MAML2: variants seen among roughly 807,000 people sequenced by gnomAD.
MAML2 encodes mastermind like transcriptional coactivator 2.
A neutral mutation model predicts 96.1 loss-of-function variants in MAML2; 22 were observed. The observed-to-expected ratio is 0.23, with a 90% CI of 0.16 to 0.33. MAML2 has a LOEUF of 0.33. MAML2 is among the 10% of genes least tolerant of loss of function. MAML2 has a pLI of 1.00. For missense variants in MAML2, 1,367 were observed against 1,392.4 expected (o/e 0.98, Z 0.29); for synonymous variants, 561 against 521.3 (o/e 1.08, Z -1.04).
rs1858216314 is a variant in MAML2 at position 96,008,217 on chromosome 11, A to T, written c.2140-16494T>A. On this transcript the variant is annotated intron_variant, in intron 2 of 4. Transcript: ENST00000524717. ...TGAACTTTTAACCTTTTTTTTCCTC[A>T]GCAATTTGGGTAGGTTGGTTGTATC... Among the ~76,000 whole-genome samples the T allele has an allele frequency of 3.7e-5, 5 of 134,894 alleles. No homozygotes were observed. In the South Asian group the frequency reaches 1.3e-3, roughly 36 times the overall value. 88.5% of individuals were successfully genotyped at this position (134,894 alleles called of 152,430 possible).
intron 1 of MAML2, among the ~76,000 whole-genome samples, chr11:96,312,959 C>T (rs1418621391): frequency 6.6e-6 from 1 of 152,204 alleles, no homozygotes; most frequent in Non-Finnish European, 1.5e-5. Context: ...TGTTCTCTTT[C>T]ATTGGGAAGA....
At chr11:96,299,081 A>AT (rs1487119307) in intron 1 of MAML2, among the ~76,000 whole-genome samples, 2 of 136,404 alleles carry the variant, frequency 1.5e-5, no homozygotes, top group African/African-American at 2.8e-5. Flanking sequence ...ATATATATAT[A>AT]AAATTTCACC....
At chr11:96,048,143 GT>G (rs1321558094) in intron 2 of MAML2, among the ~76,000 whole-genome samples, 1 of 152,052 alleles carries the variant, frequency 6.6e-6, no homozygotes, top group Non-Finnish European at 1.5e-5. Context: ...ACCCACTCTA[GT>G]TACCTCAGCA....
At chr11:96,313,673 C>A (rs1475151032) in intron 1 of MAML2, among the ~76,000 whole-genome samples, 1 of 152,134 alleles carries the variant, frequency 6.6e-6, no homozygotes, top group Non-Finnish European at 1.5e-5. Flanking sequence ...GCCAATCCTA[C>A]AAGGCTTTGG....
intron 1 of MAML2, among the ~76,000 whole-genome samples, chr11:96,170,849 G>A (rs1012939247): frequency 2.0e-5 from 3 of 152,118 alleles, no homozygotes; most frequent in Non-Finnish European, 4.4e-5. Flanking sequence ...CGAGTAGCTG[G>A]GACTACAGGT....
At chr11:96,296,454 C>G (rs563138316) in intron 1 of MAML2, among the ~76,000 whole-genome samples, 2 of 152,154 alleles carry the variant, frequency 1.3e-5, no homozygotes, top group East Asian at 3.9e-4. Context: ...CCAGCCTGAC[C>G]AACATGGTGA....
In MAML2 at chr11:96,076,468, A is replaced by T. The variant is rs971924003; in HGVS notation, c.2139+15424T>A. ...CACACACACACACACACACACACAC[A>T]CACACAGCCCTTCAGAGCTGCCTGC... On this transcript the variant is annotated intron_variant, in intron 2 of 4. Transcript: ENST00000524717. Among the ~76,000 whole-genome samples the T allele has an allele frequency of 2.7e-3, 392 of 145,376 alleles. 3 individuals are homozygous for T. The highest frequency in any genetic ancestry group is 0.01 in the African/African-American group (366 of 36,212).
At chr11:96,162,230 C>T (rs1591047961) in intron 1 of MAML2, among the ~76,000 whole-genome samples, 1 of 124,204 alleles carries the variant, frequency 8.1e-6, no homozygotes, top group African/African-American at 3.1e-5. Flanking sequence ...TCTTTACATG[C>T]AGAATCAGGT....
chr11:96,061,097 G>A lies in MAML2; in HGVS notation c.2139+30795C>T, dbSNP rs550914125. Among the ~76,000 whole-genome samples the A allele has an allele frequency of 1.3e-4, 20 of 152,300 alleles. No homozygotes were observed. In the East Asian group the frequency reaches 3.9e-3, roughly 29 times the overall value. ...AAATGAAGGGCAGCTGTGCTCCTGT[G>A]TATCTGATGATCGGGAACAATAATT... On this transcript the variant is annotated intron_variant, in intron 2 of 4. Coordinates refer to ENST00000524717, the MANE Select transcript of MAML2 (RefSeq NM_032427.4).
intron 2 of MAML2, among the ~76,000 whole-genome samples, chr11:95,994,993 T>C (rs192306752): frequency 6.6e-6 from 1 of 152,254 alleles, no homozygotes; most frequent in African/African-American, 2.4e-5. Context: ...AGGGAAATAA[T>C]AACAGTATGG....
chr11:96,015,936 T>C (rs1012654107), intron 2 of MAML2, among the ~76,000 whole-genome samples: 1 of 152,038 alleles, frequency 6.6e-6, no homozygotes, highest in Non-Finnish European at 1.5e-5. Flanking sequence ...GTCAGTACAG[T>C]ATAAAGGAAA....
chr11:96,159,404 A>ATTTTTGTTTTTTTTTTTTTTTTTTTTTTT (rs1157893034), intron 1 of MAML2, among the ~76,000 whole-genome samples: 1 of 62,000 alleles, frequency 1.6e-5, no homozygotes, highest in Non-Finnish European at 3.2e-5. Flanking sequence ...TAAACCACTG[A>ATTTTTGTTTTTTTTTTTTTTTTTTTTTTT]TTCTTTTTTT....
chr11:96,233,553 G>A (rs1301666205), intron 1 of MAML2, among the ~76,000 whole-genome samples: 1 of 152,066 alleles, frequency 6.6e-6, no homozygotes, highest in African/African-American at 2.4e-5. Flanking sequence ...GACAATAGGT[G>A]TACACCACCA....
chr11:96,286,787 T>G (rs530940826), intron 1 of MAML2, among the ~76,000 whole-genome samples: 1 of 152,302 alleles, frequency 6.6e-6, no homozygotes, highest in East Asian at 1.9e-4. Context: ...ATAATTTTTT[T>G]CCATATAAGC....
At chr11:96,068,030 A>C in intron 2 of MAML2, among the ~76,000 whole-genome samples, 1 of 152,130 alleles carries the variant, frequency 6.6e-6, no homozygotes, top group East Asian at 1.9e-4. Context: ...TACCTGCCCA[A>C]GTTCGTTTTT....
At chr11:96,022,099 G>A (rs1486165213) in intron 2 of MAML2, among the ~76,000 whole-genome samples, 1 of 152,180 alleles carries the variant, frequency 6.6e-6, no homozygotes, top group African/African-American at 2.4e-5. Flanking sequence ...GCACCCTAGG[G>A]CTGGCTGGAT....
chr11:96,260,038 G>T (rs986674879), intron 1 of MAML2, among the ~76,000 whole-genome samples: 1 of 151,746 alleles, frequency 6.6e-6, no homozygotes, highest in African/African-American at 2.4e-5. Flanking sequence ...CATCCACAGA[G>T]AAAACTTATT....
chr11:96,228,366 AC>A (rs1282018808), intron 1 of MAML2, among the ~76,000 whole-genome samples: 6 of 152,130 alleles, frequency 3.9e-5, no homozygotes, highest in Admixed American at 2.0e-4. Flanking sequence ...TCATGCTAGC[AC>A]CCAGTTCCTA....
At chr11:96,019,457 T>G (rs1858403188) in intron 2 of MAML2, among the ~76,000 whole-genome samples, 3 of 151,982 alleles carry the variant, frequency 2.0e-5, no homozygotes, top group Admixed American at 2.0e-4. Context: ...TAGGAATGCA[T>G]GCTGAATGTG....
Sources: gnomAD v4.1 joint callset for allele counts (sites outside exome capture counted in the v4.1 genomes callset) on GRCh38, gnomAD v4.1.1 for gene constraint, MANE v1.5 for transcripts, NCBI Gene and HGNC (gene_info 2026-07-23, HGNC 2026-07-21) for gene names.